Variants in ITPRID1 observed in about 807,000 individuals in gnomAD.
ITPRID1 encodes protein ITPRID1.
In ITPRID1, 96 loss-of-function variants were observed where a neutral mutation model predicts 95.4. That is an observed-to-expected ratio of 1.01 (90% CI 0.85 to 1.19). ITPRID1 has a LOEUF of 1.19. Ranked by LOEUF, ITPRID1 falls within the 50% of genes most tolerant of loss-of-function variation. ITPRID1 has a pLI of 0.00. For synonymous variants in ITPRID1, 510 were observed against 453.6 expected, an observed-to-expected ratio of 1.12 and a Z score of -1.58; for missense variants, 1,339 against 1,252.9, an observed-to-expected ratio of 1.07 and a Z score of -1.04.
downstream of ITPRID1, chr7:31,658,430 G>T: frequency 6.9e-7 from 1 of 1,442,556 alleles, no homozygotes; most frequent in Non-Finnish European, 9.1e-7. Flanking sequence ...AGTTTCCAGA[G>T]TATAACACAT....
At chr7:31,632,399 A>T (rs938648650) in intron 10 of ITPRID1, among the ~76,000 whole-genome samples, 2 of 152,188 alleles carry the variant, frequency 1.3e-5, no homozygotes, top group Non-Finnish European at 2.9e-5. Flanking sequence ...ATGAGCCGAG[A>T]TTGTGCCACT....
chr7:31,612,557 C>A (rs1255431985), intron 10 of ITPRID1, among the ~76,000 whole-genome samples: 1 of 151,948 alleles, frequency 6.6e-6, no homozygotes, highest in African/African-American at 2.4e-5. Context: ...TTTATAAAAC[C>A]TATATATTTT....
intron 7 of ITPRID1, 102 bp from the exon 8 acceptor site, chr7:31,574,438 C>G: frequency 9.6e-7 from 1 of 1,037,548 alleles, no homozygotes; most frequent in Non-Finnish European, 1.5e-6. Context: ...TTAGGATCCT[C>G]TTTCACTCAG....
intron 14 of ITPRID1, among the ~76,000 whole-genome samples, chr7:31,652,254 T>A (rs1791030072): frequency 6.6e-6 from 1 of 152,214 alleles, no homozygotes. Context: ...TCAGTTCACC[T>A]GTCATACCAA....
chr7:31,589,522 A>T (rs1310063449), intron 10 of ITPRID1, among the ~76,000 whole-genome samples: 2 of 152,210 alleles, frequency 1.3e-5, no homozygotes, highest in African/African-American at 4.8e-5. Context: ...AAGAAATTAC[A>T]AAGAAAACCA....
chr7:31,616,753 G>GAGACAAGAAAA lies in ITPRID1; in HGVS notation c.1229-25422_1229-25412dup, dbSNP rs903397647. ...GCATAAGGATTATGTACAGGTGAAT[G>GAGACAAGAAAA]AGACAAGAAAAGACAAAACCAAAAA... On this transcript the variant is annotated intron_variant, in intron 10 of 14. Transcript: ENST00000615280. 2.6e-5 allele frequency among the ~76,000 whole-genome samples: 4 copies of GAGACAAGAAAA among 152,232 alleles called. No individual in the cohort carries two copies. In the South Asian group the frequency reaches 6.2e-4, roughly 24 times the overall value.
intron 5 of ITPRID1, among the ~76,000 whole-genome samples, chr7:31,565,619 T>C (rs1467680688): frequency 6.6e-6 from 1 of 152,112 alleles, no homozygotes; most frequent in Non-Finnish European, 1.5e-5. Flanking sequence ...ATGCTTGTAA[T>C]CTCAGCTACT....
At chr7:31,587,148 G>A (rs1212153197) in intron 10 of ITPRID1, among the ~76,000 whole-genome samples, 1 of 152,162 alleles carries the variant, frequency 6.6e-6, no homozygotes, top group Non-Finnish European at 1.5e-5. Context: ...GGGCAATTAG[G>A]CAGGAGAAGG....
chr7:31,525,219 T>A (rs1249237482), intron 1 of ITPRID1, among the ~76,000 whole-genome samples: 1 of 152,226 alleles, frequency 6.6e-6, no homozygotes, highest in Admixed American at 6.5e-5. Context: ...ATGGCATAGG[T>A]AGCAAGTGCT....
intron 2 of ITPRID1, among the ~76,000 whole-genome samples, chr7:31,550,138 G>A (rs1051258429): frequency 6.7e-6 from 1 of 149,232 alleles, no homozygotes; most frequent in Non-Finnish European, 1.5e-5. Context: ...CCTTTTTCAA[G>A]GCATTTGTTT....
chr7:31,589,079 G>A (rs1322747594), intron 10 of ITPRID1, among the ~76,000 whole-genome samples: 1 of 151,978 alleles, frequency 6.6e-6, no homozygotes, highest in East Asian at 1.9e-4. Flanking sequence ...GCTGAAGGAT[G>A]TAGAGGAAAA....
At chr7:31,564,140 G>C (rs368432367) in intron 5 of ITPRID1, among the ~76,000 whole-genome samples, 5 of 152,170 alleles carry the variant, frequency 3.3e-5, no homozygotes, top group Non-Finnish European at 5.9e-5. Context: ...AGCCAATAAA[G>C]GTGCTAATTA....
At chr7:31,591,812 A>G (rs952273987) in intron 10 of ITPRID1, among the ~76,000 whole-genome samples, 1 of 152,180 alleles carries the variant, frequency 6.6e-6, no homozygotes, top group Admixed American at 6.6e-5. Flanking sequence ...TTTAATGTAT[A>G]TATTATACTT....
intron 10 of ITPRID1, among the ~76,000 whole-genome samples, chr7:31,623,355 A>G (rs1201734702): frequency 2.0e-5 from 3 of 152,092 alleles, no homozygotes; most frequent in Admixed American, 6.6e-5. Context: ...AAAATCCTCA[A>G]TAAAACACTG....
intron 9 of ITPRID1, 126 bp downstream of exon 9, chr7:31,578,560 G>A (rs946859390): frequency 1.1e-4 from 75 of 686,710 alleles, no homozygotes; most frequent in Non-Finnish European, 1.6e-4. Flanking sequence ...AGTGTTCTGA[G>A]TCAGTTTAGT....
intron 1 of ITPRID1, among the ~76,000 whole-genome samples, chr7:31,546,446 T>G (rs1784100533): frequency 6.6e-6 from 1 of 152,060 alleles, no homozygotes; most frequent in Non-Finnish European, 1.5e-5. Context: ...TGTCTATGTC[T>G]GTGCATGCAT....
At position 31,519,745 on chromosome 7, in the gene ITPRID1, C is replaced by T. The variant is rs544952208; in HGVS notation, c.-98+5625C>T. 2.4e-4 allele frequency among the ~76,000 whole-genome samples: 36 copies of T among 149,950 alleles called. No individual in the cohort carries two copies. The East Asian group carries it at 6.7e-3, about 28-fold the overall frequency. ...GAATCTCAGAGTTGGAGTAGGTTTA[C>T]AAAATATCTTTTAATCCAACCACAA... On this transcript the variant is annotated intron_variant, in intron 1 of 14. Transcript: ENST00000615280.
At chr7:31,573,650 C>T (rs1043326353) in intron 7 of ITPRID1, among the ~76,000 whole-genome samples, 2 of 151,872 alleles carry the variant, frequency 1.3e-5, no homozygotes, top group East Asian at 1.9e-4. Context: ...GGTAAAATCT[C>T]GTCAAAAGGT....
At chr7:31,553,545 C>A (rs990321891) in intron 3 of ITPRID1, among the ~76,000 whole-genome samples, 1 of 152,156 alleles carries the variant, frequency 6.6e-6, no homozygotes. Flanking sequence ...TTTGTTGGAT[C>A]CTGCAGGAGG....
Sources: allele counts gnomAD v4.1 joint callset (sites outside exome capture counted in the v4.1 genomes callset), GRCh38; gene constraint gnomAD v4.1.1; transcripts MANE v1.5; gene names NCBI Gene and HGNC (gene_info 2026-07-23, HGNC 2026-07-21).